The following AGBL4 variants were observed in gnomAD, a reference collection of about 807,000 sequenced individuals.
The protein encoded by AGBL4 is AGBL carboxypeptidase 4, also known as cytosolic carboxypeptidase 6.
In AGBL4, 58 loss-of-function variants were observed where a neutral mutation model predicts 66.4. The ratio of observed to expected loss-of-function variants is 0.87; its 90% CI spans 0.71 to 1.09. The LOEUF (loss-of-function observed/expected upper bound fraction) is 1.09. Among genes scored for constraint, AGBL4 ranks in the 50% least tolerant of loss-of-function variants. The pLI, the probability that AGBL4 is intolerant of heterozygous loss-of-function variation, is 0.00. For synonymous variants in AGBL4, 234 were observed against 222.9 expected, an observed-to-expected ratio of 1.05 and a Z score of -0.44; for missense variants, 579 against 631.0, an observed-to-expected ratio of 0.92 and a Z score of 0.88.
chr1:48,787,998 C>T (rs749759354), intron 6 of AGBL4, among the ~76,000 whole-genome samples: 22 of 152,216 alleles, frequency 1.4e-4, no homozygotes, highest in Non-Finnish European at 2.2e-4. Context: ...GGCAGCATGT[C>T]ACGAGAGGTA....
chr1:49,883,591 AG>A (rs1329189315), intron 1 of AGBL4, among the ~76,000 whole-genome samples: 1 of 152,110 alleles, frequency 6.6e-6, no homozygotes, highest in Non-Finnish European at 1.5e-5. Context: ...ATCTATAAAA[AG>A]TCATTGAATT....
chr1:48,655,770 C>T (rs1646010319), intron 7 of AGBL4, among the ~76,000 whole-genome samples: 4 of 152,040 alleles, frequency 2.6e-5, no homozygotes, highest in Non-Finnish European at 5.9e-5. Context: ...ACAAGGATAC[C>T]GAATGGTGGA....
chr1:49,547,051 T>C (rs972245591), intron 3 of AGBL4, among the ~76,000 whole-genome samples: 1 of 152,244 alleles, frequency 6.6e-6, no homozygotes, highest in Non-Finnish European at 1.5e-5. Context: ...CATTTGCTTC[T>C]GGGTGCTTGG....
chr1:48,842,209 C>G lies in AGBL4; in HGVS notation c.634+24982G>C, dbSNP rs535903507. Among the ~76,000 whole-genome samples, 229 of 152,260 alleles carry G rather than the reference C, an allele frequency of 1.5e-3. 1 individual carries two copies. The highest frequency in any genetic ancestry group is 7.8e-3 in the Admixed American group (119 of 15,288). ...GCCTGCACTTTCCTCACCCTACCAC[C>G]CCATTTCCCATCATTCCAGCAATCT... On this transcript the variant is annotated intron_variant, in intron 6 of 13. Coordinates refer to ENST00000371839, the MANE Select transcript of AGBL4 (RefSeq NM_032785.4).
intron 5 of AGBL4, among the ~76,000 whole-genome samples, chr1:48,883,163 C>G (rs1459638872): frequency 6.6e-6 from 1 of 152,148 alleles, no homozygotes; most frequent in Admixed American, 6.5e-5. Flanking sequence ...TATGGTAGTT[C>G]TATTTTTAAT....
chr1:49,739,535 G>C (rs1451040009), intron 2 of AGBL4, among the ~76,000 whole-genome samples: 2 of 152,122 alleles, frequency 1.3e-5, no homozygotes, highest in Admixed American at 6.5e-5. Flanking sequence ...CCAACATTCA[G>C]ATTCAGGAAA....
chr1:48,632,477 C>T (rs1042522524), intron 9 of AGBL4, among the ~76,000 whole-genome samples: 4 of 152,238 alleles, frequency 2.6e-5, no homozygotes, highest in East Asian at 3.9e-4. Flanking sequence ...CCCTTGTGTT[C>T]CTCCCCCAGG....
intron 3 of AGBL4, among the ~76,000 whole-genome samples, chr1:49,601,894 C>T (rs933848575): frequency 1.3e-5 from 2 of 152,136 alleles, no homozygotes; most frequent in African/African-American, 2.4e-5. Context: ...GCAAAAGAAA[C>T]TATCACTGGA....
At chr1:49,278,338 T>C (rs1392125350) in intron 3 of AGBL4, among the ~76,000 whole-genome samples, 2 of 152,284 alleles carry the variant, frequency 1.3e-5, no homozygotes, top group South Asian at 4.1e-4. Context: ...CAGACGAATA[T>C]TTTTTTATTA....
intron 4 of AGBL4, among the ~76,000 whole-genome samples, chr1:49,116,289 A>G (rs554773575): frequency 1.3e-5 from 2 of 152,310 alleles, no homozygotes; most frequent in South Asian, 4.1e-4. Context: ...TTACATAGGT[A>G]TACGTGTGCC....
At chr1:48,716,448 T>C (rs1430877814) in intron 6 of AGBL4, among the ~76,000 whole-genome samples, 1 of 152,158 alleles carries the variant, frequency 6.6e-6, no homozygotes, top group Non-Finnish European at 1.5e-5. Context: ...GGGGACTCAG[T>C]TCAGGGAGTT....
intron 6 of AGBL4, among the ~76,000 whole-genome samples, chr1:48,721,760 TGTG>T (rs1647153630): frequency 6.6e-6 from 1 of 152,212 alleles, no homozygotes; most frequent in Non-Finnish European, 1.5e-5. Flanking sequence ...GGGACTGAGT[TGTG>T]GTGACCCCAG....
chr1:48,748,202 C>G (rs1185980560), intron 6 of AGBL4, among the ~76,000 whole-genome samples: 1 of 152,154 alleles, frequency 6.6e-6, no homozygotes, highest in Non-Finnish European at 1.5e-5. Context: ...AGGGAAGATG[C>G]CTCCGGAGCT....
In AGBL4 at chr1:49,720,641, T is replaced by C. The variant is rs576090200; in HGVS notation, c.158-23204A>G. Among the ~76,000 whole-genome samples, 6 of 152,262 alleles carry C rather than the reference T, an allele frequency of 3.9e-5. No individual in the cohort carries two copies. In the South Asian group the frequency reaches 1.2e-3, roughly 32 times the overall value. On this transcript the variant is annotated intron_variant, in intron 2 of 13. Coordinates refer to ENST00000371839, the MANE Select transcript of AGBL4 (RefSeq NM_032785.4). ...TTGAATTTGACACTCCATCTCAGTG[T>C]TTCTACTTGCAAATTCATAGAGTTG...
chr1:49,113,335 C>A (rs1485494936), intron 4 of AGBL4, among the ~76,000 whole-genome samples: 1 of 151,298 alleles, frequency 6.6e-6, no homozygotes, highest in Non-Finnish European at 1.5e-5. Flanking sequence ...ACCTCCACCT[C>A]CCAGGTTCAA....
intron 4 of AGBL4, among the ~76,000 whole-genome samples, chr1:49,221,375 T>C (rs1287005627): frequency 1.3e-5 from 2 of 152,074 alleles, no homozygotes; most frequent in Admixed American, 1.3e-4. Flanking sequence ...CAGCTTCTGA[T>C]TGCTGGAAAG....
At chr1:49,652,584 T>C (rs1166217954) in intron 3 of AGBL4, among the ~76,000 whole-genome samples, 1 of 152,074 alleles carries the variant, frequency 6.6e-6, no homozygotes, top group African/African-American at 2.4e-5. Context: ...GAAGACTGAG[T>C]ACTGGCAATG....
intron 3 of AGBL4, among the ~76,000 whole-genome samples, chr1:49,347,582 G>A (rs952081127): frequency 6.6e-6 from 1 of 152,022 alleles, no homozygotes; most frequent in African/African-American, 2.4e-5. Flanking sequence ...GCTTTCAGCT[G>A]GGCGTGGAGG....
chr1:48,955,158 G>A lies in AGBL4; in HGVS notation c.595-87928C>T, dbSNP rs11205576. On this transcript the variant is annotated intron_variant, in intron 5 of 13. Transcript: ENST00000371839. ...TCTTCCAAGCTTCTCAGAGCTATGG[G>A]AGCAGAATAAATGTCCTCCTCCATG... is the stretch of plus-strand genomic sequence containing the variant. Among the ~76,000 whole-genome samples, 1,026 of 152,228 alleles carry A rather than the reference G, an allele frequency of 6.7e-3. 19 individuals are homozygous for A. Among genetic ancestry groups the A allele is most frequent in the African/African-American group, 0.023 (947 of 41,522 alleles).
Sources: allele counts gnomAD v4.1 joint callset (sites outside exome capture counted in the v4.1 genomes callset), GRCh38; gene constraint gnomAD v4.1.1; transcripts MANE v1.5; gene names NCBI Gene and HGNC (gene_info 2026-07-23, HGNC 2026-07-21).